Variants in UNC13B observed in about 807,000 individuals in gnomAD.
UNC13B encodes the protein unc-13 homolog B.
In UNC13B, 144 loss-of-function variants were observed where a neutral mutation model predicts 211.0. The observed-to-expected ratio is 0.68, with a 90% CI of 0.60 to 0.78. The LOEUF (loss-of-function observed/expected upper bound fraction) is 0.78. UNC13B is among the 30% of genes least tolerant of loss of function. The pLI, the probability that UNC13B is intolerant of heterozygous loss-of-function variation, is 0.00. For missense variants in UNC13B, 1,777 were observed against 2,002.0 expected (o/e 0.89, Z 2.14); for synonymous variants, 709 against 725.8 (o/e 0.98, Z 0.37).
Position 35,399,020 on chromosome 9 carries a change from CTT to C in UNC13B, c.12061_12062del (p.Phe4021ProfsTer13). 6.2e-7 allele frequency: 1 copy of C among 1,614,022 alleles called. No individual in the cohort carries two copies. On this transcript the variant is annotated frameshift_variant, in exon 33 of 40. Coordinates refer to ENST00000635942, the MANE Select transcript of UNC13B (RefSeq NM_001371189.2). LOFTEE classifies it high-confidence loss of function. ...ATAGCGTACTCCGGCCTCTCATGGACTTCCTGGATGGCAAGTGAGTACAGCAT... is the reference window on the plus strand; with the variant it reads ...ATAGCGTACTCCGGCCTCTCATGGACCCTGGATGGCAAGTGAGTACAGCAT... ...ADSVLRPLMD[F>X]LDGNLTLFAT...
chr9:35,238,502 A>G (rs991727035), intron 5 of UNC13B, among the ~76,000 whole-genome samples: 1 of 151,918 alleles, frequency 6.6e-6, no homozygotes, highest in African/African-American at 2.4e-5. Flanking sequence ...TCCATGTTAT[A>G]CTTTAAGATC....
At position 35,239,233 on chromosome 9, in the gene UNC13B, A is replaced by G. The variant is rs149987508; in HGVS notation, c.394+1407A>G. Among the ~76,000 whole-genome samples the G allele has an allele frequency of 4.7e-4, 72 of 152,056 alleles. 1 individual carries two copies. Among genetic ancestry groups the G allele is most frequent in the South Asian group, 3.1e-3 (15 of 4,814 alleles). ...CGATATTTCACGTGGGTCCTTTTCC[A>G]TTTTTCCTAAGTGTTGGCCGGTCTA... On this transcript the variant is annotated intron_variant, in intron 5 of 39. Transcript: ENST00000635942.
intron 1 of UNC13B, among the ~76,000 whole-genome samples, chr9:35,209,001 C>G (rs554473299): frequency 4.6e-5 from 7 of 152,256 alleles, no homozygotes; most frequent in African/African-American, 1.7e-4. Flanking sequence ...TTAAAATTAT[C>G]TATAATTTTC....
rs1836106776 is a variant in UNC13B, at chr9:35,399,176, C to T, written c.12090C>T (p.Ala4030=). ...DFLDGNLTLF[A]TVCEKTVLKR... is the part of the protein sequence containing the mutation. ...GGACTTGCAGCCTCACCCTCTTTGC[C>T]ACTGTGTGTGAGAAGACGGTTCTGA... The change falls in exon 34 of 40, where the codon GCC becomes GCT. Residue 4030 remains alanine, a synonymous_variant. Transcript: ENST00000635942. 6.2e-7 allele frequency: 1 copy of T among 1,614,142 alleles called. No homozygotes were observed. The highest frequency in any genetic ancestry group is 8.5e-7 in the Non-Finnish European group (1 of 1,180,024).
chr9:35,220,618 C>CT (rs1016388862), intron 1 of UNC13B, among the ~76,000 whole-genome samples: 6 of 152,110 alleles, frequency 3.9e-5, no homozygotes, highest in Non-Finnish European at 7.4e-5. Context: ...GGATGTCATT[C>CT]TTTTTTGTGG....
intron 8 of UNC13B, among the ~76,000 whole-genome samples, chr9:35,299,125 G>A (rs959953535): frequency 2.0e-5 from 3 of 152,096 alleles, no homozygotes; most frequent in South Asian, 2.1e-4. Context: ...CCAGCTACTC[G>A]GGAGGCTGAG....
chr9:35,258,403 G>A (rs1341962982), intron 6 of UNC13B, among the ~76,000 whole-genome samples: 1 of 152,172 alleles, frequency 6.6e-6, no homozygotes, highest in East Asian at 1.9e-4. Context: ...ATTGTCTTAT[G>A]TCTTCAGTAC....
intron 11 of UNC13B, among the ~76,000 whole-genome samples, chr9:35,334,229 G>T (rs1481067016): frequency 6.6e-6 from 1 of 152,220 alleles, no homozygotes; most frequent in Admixed American, 6.5e-5. Context: ...GCCTCCCAAA[G>T]TGCTGGGATT....
intron 1 of UNC13B, among the ~76,000 whole-genome samples, chr9:35,187,123 G>T (rs1015068112): frequency 5.9e-5 from 9 of 152,224 alleles, no homozygotes; most frequent in Non-Finnish European, 1.3e-4. Flanking sequence ...AAATAGTAAA[G>T]TGAGTATAGC....
intron 7 of UNC13B, among the ~76,000 whole-genome samples, chr9:35,271,426 A>G (rs1827873476): frequency 6.6e-6 from 1 of 152,056 alleles, no homozygotes; most frequent in South Asian, 2.1e-4. Flanking sequence ...TTGCTCCTCA[A>G]TTTATAGAGC....
chr9:35,370,615 C>T (rs1227727655), intron 13 of UNC13B, among the ~76,000 whole-genome samples: 1 of 152,268 alleles, frequency 6.6e-6, no homozygotes, highest in Non-Finnish European at 1.5e-5. Context: ...CAAGCTCCTA[C>T]CTGGAATATT....
Position 35,377,588 on chromosome 9 carries a change from G to C in UNC13B, c.9956G>C (p.Arg3319Pro), listed in dbSNP as rs770976126. 2 of 1,614,064 alleles carry C rather than the reference G, an allele frequency of 1.2e-6. No homozygotes were observed. The highest frequency in any genetic ancestry group is 4.5e-5 in the East Asian group (2 of 44,892). ...RNKPEIFEVI[R>P]DVFTVNKAAH... Reference sequence around the variant, plus strand: ...AAGCCAGAGATCTTTGAAGTTATCCGGGACGTCTTCACAGTGAACAAAGCT... The same window carrying C: ...AAGCCAGAGATCTTTGAAGTTATCCCGGACGTCTTCACAGTGAACAAAGCT... Residue 3319 changes from arginine (R) to proline (P), a missense_variant, in exon 16 of 40, where the codon CGG becomes CCG. Coordinates refer to ENST00000635942, the MANE Select transcript of UNC13B (RefSeq NM_001371189.2).
chr9:35,328,347 A>G (rs891841909), intron 11 of UNC13B, among the ~76,000 whole-genome samples: 38 of 152,140 alleles, frequency 2.5e-4, no homozygotes, highest in African/African-American at 8.9e-4. Context: ...AAACATGAGC[A>G]AAGTCCCTCC....
intron 6 of UNC13B, among the ~76,000 whole-genome samples, chr9:35,249,820 A>T (rs1826350409): frequency 6.6e-6 from 1 of 152,044 alleles, no homozygotes; most frequent in Non-Finnish European, 1.5e-5. Context: ...GGTGAATCTG[A>T]CAATTATGTG....
intron 11 of UNC13B, chr9:35,353,320 GTT>G: frequency 8.1e-7 from 1 of 1,232,198 alleles, no homozygotes; most frequent in Non-Finnish European, 1.0e-6. Flanking sequence ...TGCAGGGTGT[GTT>G]TCAGAAGCTG....
chr9:35,176,391 T>TA (rs1232066979), intron 1 of UNC13B, among the ~76,000 whole-genome samples: 7 of 151,582 alleles, frequency 4.6e-5, no homozygotes, highest in Non-Finnish European at 7.4e-5. Flanking sequence ...CTACTAAAAA[T>TA]AAAAAAATTA....
At chr9:35,335,258 A>C (rs1462923444) in intron 11 of UNC13B, among the ~76,000 whole-genome samples, 2 of 152,228 alleles carry the variant, frequency 1.3e-5, no homozygotes, top group Non-Finnish European at 2.9e-5. Context: ...ATAAAATAAC[A>C]TGAGCTTCTA....
intron 1 of UNC13B, among the ~76,000 whole-genome samples, chr9:35,209,829 C>T (rs1291124410): frequency 6.6e-6 from 1 of 152,096 alleles, no homozygotes; most frequent in Non-Finnish European, 1.5e-5. Context: ...TAATTATTCC[C>T]AGACTGACAT....
rs961297880 is a variant in UNC13B, at chr9:35,243,283, T to A, written c.395-8T>A. On this transcript the variant is annotated splice_region_variant and splice_polypyrimidine_tract_variant and intron_variant, in intron 5 of 39. Coordinates refer to ENST00000635942, the MANE Select transcript of UNC13B (RefSeq NM_001371189.2). Reference sequence around the variant, plus strand: ...TTTCTTTTCTTTTTCTTCTTTTTTTTATGGTAGATATCCCAGAGGAGGAAG... The same window carrying A: ...TTTCTTTTCTTTTTCTTCTTTTTTTAATGGTAGATATCCCAGAGGAGGAAG... 5 of 1,612,764 alleles carry A rather than the reference T, an allele frequency of 3.1e-6. No homozygotes were observed. In the African/African-American group the frequency reaches 6.7e-5, roughly 22 times the overall value.
Sources: gnomAD v4.1 joint callset for allele counts (sites outside exome capture counted in the v4.1 genomes callset) on GRCh38, gnomAD v4.1.1 for gene constraint, MANE v1.5 for transcripts, NCBI Gene and HGNC (gene_info 2026-07-23, HGNC 2026-07-21) for gene names.